Variants in LRRIQ1 observed in about 807,000 individuals in gnomAD.
The protein encoded by LRRIQ1 is leucine-rich repeat- and IQ domain-containing protein 1.
A neutral mutation model predicts 211.9 loss-of-function variants in LRRIQ1; 210 were observed. The observed-to-expected ratio is 0.99, with a 90% CI of 0.89 to 1.11. LRRIQ1 has a LOEUF of 1.11. Ranked by LOEUF, LRRIQ1 falls within the 50% of genes most tolerant of loss-of-function variation. LRRIQ1 has a pLI of 0.00. For synonymous variants in LRRIQ1, 699 were observed against 650.1 expected (o/e 1.08, Z -1.14); for missense variants, 2,136 against 1,939.5 (o/e 1.10, Z -1.90).
intron 24 of LRRIQ1, among the ~76,000 whole-genome samples, chr12:85,216,745 CT>C (rs1894109672): frequency 6.6e-6 from 1 of 151,844 alleles, no homozygotes; most frequent in Non-Finnish European, 1.5e-5. Flanking sequence ...ACAAGGACTG[CT>C]TTTACCTATT....
At position 85,040,556 on chromosome 12, in the gene LRRIQ1, G is replaced by T. The variant is rs776099140; in HGVS notation, c.199G>T (p.Val67Phe). 6.3e-7 allele frequency: 1 copy of T among 1,599,408 alleles called. No individual in the cohort carries two copies. Residue 67 changes from valine (V) to phenylalanine (F), a missense_variant, in exon 3 of 27, where the codon GTT becomes TTT. By Grantham distance (50) the Val-to-Phe change is conservative. Coordinates refer to ENST00000393217, the MANE Select transcript of LRRIQ1 (RefSeq NM_001079910.2). ...INIIKNRSKA[V>F]EELILQDLED... ...CATCATAAAGAACAGGAGTAAAGCT[G>T]TTGAAGAGCTCATTCTTCAGGACCT... is the stretch of plus-strand genomic sequence containing the variant.
chr12:85,165,666 G>A (rs1386954800), intron 24 of LRRIQ1, among the ~76,000 whole-genome samples: 1 of 151,766 alleles, frequency 6.6e-6, no homozygotes. Context: ...GTAGAGACGG[G>A]GTTTCACCGT....
intron 24 of LRRIQ1, among the ~76,000 whole-genome samples, chr12:85,171,816 G>A (rs926365930): frequency 2.6e-5 from 4 of 152,304 alleles, no homozygotes; most frequent in Non-Finnish European, 5.9e-5. Flanking sequence ...CCATCTGCAA[G>A]CCAAGGAGAG....
At chr12:85,142,332 CTTTCA>C (rs1185589105) in intron 19 of LRRIQ1, among the ~76,000 whole-genome samples, 1 of 151,302 alleles carries the variant, frequency 6.6e-6, no homozygotes, top group Non-Finnish European at 1.5e-5. Flanking sequence ...TGGTAAATAT[CTTTCA>C]TTAGTTTTGG....
At position 85,261,554 on chromosome 12, in the gene LRRIQ1, A is replaced by AT. The variant is rs369051146; in HGVS notation, c.122-1351dup. On this transcript the variant is annotated intron_variant, in intron 1 of 1. Transcript: ENST00000602731. ...AAGTATTAATCTCAAAAAACATTCT[A>AT]TTTTTTTTTTCTCTAACCTTACTTA... Among the ~76,000 whole-genome samples, 1,028 of 147,928 alleles carry AT rather than the reference A, an allele frequency of 6.9e-3. 7 individuals are homozygous for AT. The highest frequency in any genetic ancestry group is 0.023 in the African/African-American group (936 of 40,492).
intron 24 of LRRIQ1, among the ~76,000 whole-genome samples, chr12:85,211,099 A>G (rs1893816160): frequency 1.3e-5 from 2 of 152,102 alleles, no homozygotes; most frequent in Non-Finnish European, 2.9e-5. Flanking sequence ...TTTCTTTCTG[A>G]ATTAGGAGTC....
At chr12:85,187,389 T>C (rs1465671289) in intron 24 of LRRIQ1, among the ~76,000 whole-genome samples, 1 of 152,182 alleles carries the variant, frequency 6.6e-6, no homozygotes, top group East Asian at 1.9e-4. Flanking sequence ...ATTTAGTGCC[T>C]TGTCCACCAG....
intron 24 of LRRIQ1, among the ~76,000 whole-genome samples, chr12:85,169,306 G>T (rs34916781): frequency 0.04 from 6,021 of 152,178 alleles, 163 homozygotes; most frequent in Non-Finnish European, 0.059. Context: ...TGGAGAAAGA[G>T]TCAGTAACAA....
At chr12:85,269,163 C>T (rs143459216), downstream of LRRIQ1, among the ~76,000 whole-genome samples, 22 of 151,888 alleles carry the variant, frequency 1.4e-4, no homozygotes, top group Middle Eastern at 3.4e-3. Context: ...TGGTGAGATA[C>T]CGGAAATTAG....
At chr12:85,200,072 T>G (rs898798698) in intron 24 of LRRIQ1, among the ~76,000 whole-genome samples, 1 of 152,232 alleles carries the variant, frequency 6.6e-6, no homozygotes, top group African/African-American at 2.4e-5. Flanking sequence ...CATGACCATT[T>G]TAACAATATT....
chr12:85,199,286 G>C (rs1893174759), intron 24 of LRRIQ1, among the ~76,000 whole-genome samples: 1 of 152,034 alleles, frequency 6.6e-6, no homozygotes, highest in Non-Finnish European at 1.5e-5. Flanking sequence ...AGTTGATTTT[G>C]TATCTGGTGT....
chr12:85,145,858 C>T (rs1407872802), intron 19 of LRRIQ1, among the ~76,000 whole-genome samples: 1 of 151,716 alleles, frequency 6.6e-6, no homozygotes, highest in Non-Finnish European at 1.5e-5. Flanking sequence ...TAGTCTGTAA[C>T]AAAATCTGTC....
At chr12:85,250,953 T>TATATTATAG (rs1895919927) in intron 1 of LRRIQ1, among the ~76,000 whole-genome samples, 76 of 92,244 alleles carry the variant, frequency 8.2e-4, no homozygotes, top group African/African-American at 3.3e-3. Context: ...ATATTTTATA[T>TATATTATAG]ATTATATATT....
chr12:85,163,667 A>G (rs1891011579), intron 24 of LRRIQ1, among the ~76,000 whole-genome samples: 1 of 152,124 alleles, frequency 6.6e-6, no homozygotes, highest in Non-Finnish European at 1.5e-5. Context: ...CCTAGCAAAA[A>G]CATTAGTAGC....
intron 24 of LRRIQ1, among the ~76,000 whole-genome samples, chr12:85,217,745 G>A (rs1460986796): frequency 9.5e-6 from 1 of 104,916 alleles, no homozygotes; most frequent in Non-Finnish European, 1.6e-5. Context: ...TATATGTAAT[G>A]TGTGTGTATA....
At chr12:85,176,204 C>G (rs1463218669) in intron 24 of LRRIQ1, among the ~76,000 whole-genome samples, 9 of 151,960 alleles carry the variant, frequency 5.9e-5, no homozygotes, top group Non-Finnish European at 8.8e-5. Context: ...TGTAGTTCTC[C>G]TTGAGGAGGT....
rs548799950 is a variant in LRRIQ1 at position 85,079,889 on chromosome 12, C to A, written c.2887+6791C>A. Among the ~76,000 whole-genome samples, 15 of 152,004 alleles carry A rather than the reference C, an allele frequency of 9.9e-5. 1 individual carries two copies. The East Asian group carries it at 2.9e-3, about 29-fold the overall frequency. ...GGTTACTATAGAAAAGATGACTATA[C>A]CAATGGTAGTATTATTATGTAATAA... On this transcript the variant is annotated intron_variant, in intron 11 of 26. Coordinates refer to ENST00000393217, the MANE Select transcript of LRRIQ1 (RefSeq NM_001079910.2).
chr12:85,103,990 G>A lies in LRRIQ1; in HGVS notation c.3210-14G>A. ...AATTTAGAATTTTGATGAAGTTTTT[G>A]TTTTTGTTTTCAGCTTGACTAAAAT... is the stretch of plus-strand genomic sequence containing the variant. On this transcript the variant is annotated splice_polypyrimidine_tract_variant and intron_variant, in intron 13 of 26. Coordinates refer to ENST00000393217, the MANE Select transcript of LRRIQ1 (RefSeq NM_001079910.2). 6.5e-7 allele frequency: 1 copy of A among 1,538,580 alleles called. No individual in the cohort carries two copies. The highest frequency in any genetic ancestry group is 8.8e-7 in the Non-Finnish European group (1 of 1,132,530).
intron 23 of LRRIQ1, 58 bp downstream of exon 23, chr12:85,154,152 T>C: frequency 3.4e-6 from 3 of 895,302 alleles, no homozygotes; most frequent in Non-Finnish European, 4.8e-6. Flanking sequence ...AGATAACTTC[T>C]TTAAAATATA....
Sources: allele counts gnomAD v4.1 joint callset (sites outside exome capture counted in the v4.1 genomes callset), GRCh38; gene constraint gnomAD v4.1.1; transcripts MANE v1.5; gene names NCBI Gene and HGNC (gene_info 2026-07-23, HGNC 2026-07-21).